HIF3A: variants seen among roughly 807,000 people sequenced by gnomAD.
HIF3A encodes the protein hypoxia-inducible factor 3-alpha.
HIF3A carries 41 observed loss-of-function variants against 67.2 expected under a neutral mutation model. The observed-to-expected ratio is 0.61, with a 90% CI of 0.48 to 0.79. HIF3A has a LOEUF of 0.79. Ranked by LOEUF, HIF3A falls within the 30% of genes least tolerant of loss-of-function variation. The probability of loss-of-function intolerance (pLI) is 0.00; values close to 1 mark genes in which losing one functional copy is unlikely to be tolerated. For synonymous variants in HIF3A, 356 were observed against 374.8 expected (o/e 0.95, Z 0.58); for missense variants, 855 against 898.0 (o/e 0.95, Z 0.61).
intron 14 of HIF3A, chr19:46,338,649 C>A: frequency 4.3e-6 from 2 of 468,104 alleles, no homozygotes; most frequent in Non-Finnish European, 5.9e-6. Flanking sequence ...TCATTTATTC[C>A]TCACAACAGA....
chr19:46,339,565 C>T lies in HIF3A; in HGVS notation c.1953C>T (p.Asp651=), dbSNP rs1298258213. The change falls in exon 15 of 15, where the codon GAC becomes GAT. Residue 651 remains aspartate, a synonymous_variant. Transcript: ENST00000377670. ...PSLLSPYSDE[D]TTQPGGPFQP... ...TGCTCTCTCCGTACTCAGACGAGGA[C>T]ACTACCCAGCCCGGGGGCCCCTTCC... 7.5e-6 allele frequency: 12 copies of T among 1,609,886 alleles called. No homozygotes were observed. Among genetic ancestry groups the T allele is most frequent in the Non-Finnish European group, 9.3e-6 (11 of 1,177,596 alleles).
At position 46,304,098 on chromosome 19, in the gene HIF3A, G is replaced by A; in HGVS notation, c.217+10G>A. The stretch of plus-strand genomic sequence containing the variant: ...CGCCTCTGCGCCGCAGGTGAGCCCC[G>A]CCCGCGGGAATTCCCGTCTTGGTCA... On this transcript the variant is annotated intron_variant, in intron 2 of 14. Coordinates refer to ENST00000377670, the MANE Select transcript of HIF3A (RefSeq NM_152795.4). 1 of 1,550,228 alleles carries A rather than the reference G, an allele frequency of 6.5e-7. No homozygotes were observed. The highest frequency in any genetic ancestry group is 8.7e-7 in the Non-Finnish European group (1 of 1,149,400).
rs1971983012 is a variant in HIF3A at position 46,342,997 on chromosome 19, GT to G, written c.*3378del. 1 of 152,672 alleles carries G rather than the reference GT, an allele frequency of 6.5e-6. No individual in the cohort carries two copies. Among genetic ancestry groups the G allele is most frequent in the East Asian group, 1.9e-4 (1 of 5,190 alleles). 9.5% of individuals were successfully genotyped at this position (152,672 alleles called of 1,614,324 possible). Reference sequence around the variant, plus strand: ...CTGGGGCTCCCTCACCCCTTGGGTGGTTTGCAATCTGAAGACTTCTCCAGCC... The same window carrying G: ...CTGGGGCTCCCTCACCCCTTGGGTGGTTGCAATCTGAAGACTTCTCCAGCC... On this transcript the variant is annotated 3_prime_UTR_variant, in exon 15 of 15. Transcript: ENST00000377670.
Position 46,321,948 on chromosome 19 carries a change from C to G in HIF3A, c.1317C>G (p.His439Gln), listed in dbSNP as rs759992379. ...ATPSTPLATR[H>Q]PQSPLSADLP... ...CCAGCACCCCGCTGGCCACACGGCA[C>G]CCCCAAAGTCCTCTTTCGGTAAGCC... The change falls in exon 10 of 15, where the codon CAC becomes CAG. Residue 439 changes from histidine to glutamine, a missense_variant. Physicochemically the swap from His to Gln is conservative, Grantham distance 24. Transcript: ENST00000377670. The G allele has an allele frequency of 1.7e-5, 28 of 1,613,750 alleles. No individual in the cohort carries two copies. The highest frequency in any genetic ancestry group is 2.4e-5 in the Non-Finnish European group (28 of 1,179,942).
intron 14 of HIF3A, chr19:46,338,182 A>G (rs1396911768): frequency 2.2e-6 from 1 of 453,986 alleles, no homozygotes; most frequent in African/African-American, 2.0e-5. Context: ...GACACAAAGT[A>G]GGTGCTCAGT....
At position 46,314,855 on chromosome 19, in the gene HIF3A, G is replaced by A. The variant is rs145066248; in HGVS notation, c.1025+2202G>A. Among the ~76,000 whole-genome samples, 889 of 145,284 alleles carry A rather than the reference G, an allele frequency of 6.1e-3. 98 individuals are homozygous for A. The highest frequency in any genetic ancestry group is 0.012 in the Admixed American group (166 of 13,506). The stretch of plus-strand genomic sequence containing the variant: ...ATTATAGGCATGAGCCACCACACCC[G>A]GCCATTACCACGATTTTTTACACAA... On this transcript the variant is annotated intron_variant, in intron 8 of 14. Transcript: ENST00000377670.
At chr19:46,303,258 A>G (rs1968494682) in intron 1 of HIF3A, among the ~76,000 whole-genome samples, 1 of 152,202 alleles carries the variant, frequency 6.6e-6, no homozygotes, top group African/African-American at 2.4e-5. Context: ...CCCACATGCA[A>G]AATGTAGGTA....
chr19:46,335,780 G>A (rs1331497359), intron 14 of HIF3A, among the ~76,000 whole-genome samples: 1 of 151,976 alleles, frequency 6.6e-6, no homozygotes, highest in Non-Finnish European at 1.5e-5. Flanking sequence ...TTTCCTGCCT[G>A]TAATCACAGT....
chr19:46,300,714 G>A (rs1349639621), intron 1 of HIF3A, among the ~76,000 whole-genome samples: 4 of 152,192 alleles, frequency 2.6e-5, no homozygotes, highest in Non-Finnish European at 5.9e-5. Flanking sequence ...GTAAGTAGTA[G>A]CTTATAAGTA....
intron 8 of HIF3A, among the ~76,000 whole-genome samples, chr19:46,314,610 T>C (rs1969768902): frequency 1.4e-5 from 2 of 146,796 alleles, no homozygotes; most frequent in Admixed American, 1.5e-4. Flanking sequence ...CAGGCTGGAG[T>C]GCACTGGCAC....
intron 1 of HIF3A, 60 bp from the exon 2 acceptor site, chr19:46,303,838 G>T: frequency 1.3e-6 from 2 of 1,559,240 alleles, no homozygotes; most frequent in Middle Eastern, 1.7e-4. Flanking sequence ...CCACGTGCTC[G>T]TCCCGTCCTC....
chr19:46,336,761 C>T (rs909172195), intron 14 of HIF3A, among the ~76,000 whole-genome samples: 3 of 151,922 alleles, frequency 2.0e-5, no homozygotes, highest in South Asian at 2.1e-4. Flanking sequence ...CTGAGGCAGG[C>T]GGACCACCTG....
rs139602161 is a variant in HIF3A at position 46,309,354 on chromosome 19, C to T, written c.765C>T (p.Asp255=). 124 of 1,603,174 alleles carry T rather than the reference C, an allele frequency of 7.7e-5. No homozygotes were observed. The African/African-American group carries it at 1.2e-3, about 16-fold the overall frequency. ...TGGACATGAAGTTCACCTACTGTGACGACAGGTGGGCAGGGGCCCCCTCTT... is the reference window on the plus strand; with the variant it reads ...TGGACATGAAGTTCACCTACTGTGATGACAGGTGGGCAGGGGCCCCCTCTT... ...HSLDMKFTYC[D]DRIAEVAGYS... The change falls in exon 6 of 15, where the codon GAC becomes GAT. Residue 255 remains aspartate, a synonymous_variant. Transcript: ENST00000377670.
intron 3 of HIF3A, among the ~76,000 whole-genome samples, chr19:46,307,026 T>G (rs1045905388): frequency 1.3e-5 from 2 of 152,162 alleles, no homozygotes; most frequent in African/African-American, 4.8e-5. Flanking sequence ...GGCCTTGCGC[T>G]TACTATTCCC....
intron 1 of HIF3A, among the ~76,000 whole-genome samples, chr19:46,302,445 T>C (rs985742812): frequency 2.6e-5 from 4 of 152,134 alleles, no homozygotes; most frequent in African/African-American, 9.7e-5. Flanking sequence ...TTTGTCTTTT[T>C]TTAGAGACGG....
chr19:46,314,748 G>A (rs1601273336), intron 8 of HIF3A, among the ~76,000 whole-genome samples: 3 of 146,130 alleles, frequency 2.1e-5, no homozygotes, highest in African/African-American at 5.0e-5. Flanking sequence ...TAGTAGAGTC[G>A]GGGTTTCACC....
rs1282894354 is a variant in HIF3A, at chr19:46,321,792, G to T, written c.1161G>T (p.Arg387=). ...GTCCTGCAGACACCCCTGGCCCCCG[G>T]ATCCTTGCCTTCCTGCACCCGCCTT... The part of the protein sequence containing the change: ...PGDSLDTPGP[R]ILAFLHPPSL... Residue 387 remains arginine, a synonymous_variant, in exon 10 of 15, where the codon CGG becomes CGT. Coordinates refer to ENST00000377670, the MANE Select transcript of HIF3A (RefSeq NM_152795.4). The T allele has an allele frequency of 8.7e-6, 14 of 1,613,400 alleles. No homozygotes were observed. The highest frequency in any genetic ancestry group is 2.7e-5 in the African/African-American group (2 of 74,868).
chr19:46,309,252 C>A lies in HIF3A; in HGVS notation c.663C>A (p.Leu221=), dbSNP rs778144442. Residue 221 remains leucine, a synonymous_variant, in exon 6 of 15, where the codon CTC becomes CTA. Coordinates refer to ENST00000377670, the MANE Select transcript of HIF3A (RefSeq NM_152795.4). ...AGCCCCCGCTGCAGTGCCTGGTGCT[C>A]ATCTGCGAAGCCATCCCCCACCCAG... ...DSEPPLQCLV[L]ICEAIPHPGS... 2.5e-6 allele frequency: 4 copies of A among 1,613,866 alleles called. No individual in the cohort carries two copies. Among genetic ancestry groups the A allele is most frequent in the Non-Finnish European group, 3.4e-6 (4 of 1,179,956 alleles).
At chr19:46,305,723 G>T (rs370274111) in intron 3 of HIF3A, among the ~76,000 whole-genome samples, 9 of 152,226 alleles carry the variant, frequency 5.9e-5, no homozygotes, top group East Asian at 5.8e-4. Flanking sequence ...AATGTACATG[G>T]TAGAGGGAAC....
Sources: gnomAD v4.1 joint callset for allele counts (sites outside exome capture counted in the v4.1 genomes callset) on GRCh38, gnomAD v4.1.1 for gene constraint, MANE v1.5 for transcripts, NCBI Gene and HGNC (gene_info 2026-07-23, HGNC 2026-07-21) for gene names.